Variants in FER observed in about 807,000 individuals in gnomAD.
FER encodes the protein tyrosine-protein kinase Fer.
A neutral mutation model predicts 111.0 loss-of-function variants in FER; 63 were observed. The observed-to-expected ratio is 0.57, with a 90% CI of 0.46 to 0.70. The LOEUF (loss-of-function observed/expected upper bound fraction) is 0.70, where lower values mean the gene tolerates loss of function less well. Ranked by LOEUF, FER falls within the 30% of genes least tolerant of loss-of-function variation. FER has a pLI of 0.00. For missense variants in FER, 914 were observed against 954.0 expected (o/e 0.96, Z 0.55); for synonymous variants, 327 against 313.9 (o/e 1.04, Z -0.44).
intron 5 of FER, among the ~76,000 whole-genome samples, chr5:108,857,886 C>T (rs1763150211): frequency 6.6e-6 from 1 of 152,156 alleles, no homozygotes; most frequent in Non-Finnish European, 1.5e-5. Context: ...TTGACACATT[C>T]CTATCATTCA....
chr5:108,985,658 G>A (rs868523432), intron 13 of FER, among the ~76,000 whole-genome samples: 1 of 152,060 alleles, frequency 6.6e-6, no homozygotes, highest in Non-Finnish European at 1.5e-5. Flanking sequence ...TCATAGCTTA[G>A]CTCCCACTCA....
intron 16 of FER, among the ~76,000 whole-genome samples, chr5:109,068,816 T>C (rs918856108): frequency 3.9e-5 from 6 of 152,346 alleles, no homozygotes; most frequent in Admixed American, 2.6e-4. Flanking sequence ...TATTACCTGC[T>C]GGTAAATTAA....
At chr5:108,983,938 C>A (rs982148910) in intron 13 of FER, among the ~76,000 whole-genome samples, 1 of 151,952 alleles carries the variant, frequency 6.6e-6, no homozygotes, top group Non-Finnish European at 1.5e-5. Context: ...CTCTTTCTCT[C>A]TGCTTTCTTG....
At chr5:108,997,103 G>A (rs560822491) in intron 13 of FER, among the ~76,000 whole-genome samples, 1 of 152,004 alleles carries the variant, frequency 6.6e-6, no homozygotes, top group Non-Finnish European at 1.5e-5. Flanking sequence ...TTTGCACATT[G>A]ATTTTGTATC....
At chr5:108,796,676 T>C (rs1203518527) in intron 2 of FER, among the ~76,000 whole-genome samples, 2 of 152,086 alleles carry the variant, frequency 1.3e-5, no homozygotes, top group African/African-American at 4.8e-5. Flanking sequence ...CAGGAAGTAC[T>C]GCCAGGCTAC....
chr5:109,160,448 G>C (rs1755870491), intron 17 of FER, among the ~76,000 whole-genome samples: 1 of 152,146 alleles, frequency 6.6e-6, no homozygotes, highest in Non-Finnish European at 1.5e-5. Flanking sequence ...GGTGTTGTCA[G>C]TGTTTCATAA....
intron 13 of FER, among the ~76,000 whole-genome samples, chr5:109,016,322 C>G (rs1344598440): frequency 2.0e-5 from 3 of 151,966 alleles, no homozygotes; most frequent in Non-Finnish European, 2.9e-5. Context: ...TGACAGAATA[C>G]TGGAGGATTA....
At chr5:108,948,028 A>C (rs900176385) in intron 11 of FER, among the ~76,000 whole-genome samples, 28 of 152,232 alleles carry the variant, frequency 1.8e-4, no homozygotes, top group African/African-American at 5.1e-4. Context: ...TATTTAACTT[A>C]AAATCTTTAA....
chr5:109,144,499 T>C (rs1194990868), intron 17 of FER, among the ~76,000 whole-genome samples: 1 of 152,190 alleles, frequency 6.6e-6, no homozygotes, highest in Non-Finnish European at 1.5e-5. Flanking sequence ...AGATGGCCTT[T>C]TCCAATTATC....
At chr5:108,760,753 C>G (rs1020409966) in intron 1 of FER, among the ~76,000 whole-genome samples, 8 of 152,128 alleles carry the variant, frequency 5.3e-5, no homozygotes, top group African/African-American at 1.9e-4. Context: ...AATTTTGTGG[C>G]TGGTTTGATC....
chr5:109,111,620 G>A (rs2126408714), intron 17 of FER, among the ~76,000 whole-genome samples: 1 of 152,288 alleles, frequency 6.6e-6, no homozygotes, highest in East Asian at 1.9e-4. Context: ...AGGTTTAACT[G>A]ACTCACAGTT....
chr5:109,022,687 A>G (rs778860768), intron 13 of FER, among the ~76,000 whole-genome samples: 1 of 152,086 alleles, frequency 6.6e-6, no homozygotes, highest in East Asian at 1.9e-4. Flanking sequence ...CTCTGAGGAG[A>G]CACGATTCAA....
chr5:108,999,803 G>C (rs1764485649), intron 13 of FER, among the ~76,000 whole-genome samples: 1 of 148,762 alleles, frequency 6.7e-6, no homozygotes, highest in Non-Finnish European at 1.5e-5. Context: ...ATCTTTTCCT[G>C]TGTGTATTAG....
chr5:108,752,779 CA>C (rs1412384077), intron 1 of FER, among the ~76,000 whole-genome samples: 1 of 151,928 alleles, frequency 6.6e-6, no homozygotes, highest in Admixed American at 6.6e-5. Flanking sequence ...TAATGTCATG[CA>C]TGTTTGGAAT....
intron 5 of FER, among the ~76,000 whole-genome samples, chr5:108,836,598 T>C (rs1480137468): frequency 1.3e-5 from 2 of 152,198 alleles, no homozygotes; most frequent in African/African-American, 4.8e-5. Context: ...TTATTTTGGT[T>C]CTTAAATTCA....
intron 10 of FER, among the ~76,000 whole-genome samples, chr5:108,920,520 T>TAA (rs1752886469): frequency 2.0e-5 from 3 of 151,882 alleles, no homozygotes; most frequent in Non-Finnish European, 2.9e-5. Flanking sequence ...ACAGTCTTCT[T>TAA]AGGGTATTTT....
In FER at chr5:108,906,081, CT is replaced by C. The variant is rs1041191154; in HGVS notation, c.1236+8238del. ...GCAGGGTATAAGCCAAGTTATGGGA[CT>C]TTTTCTGTCCCCATTTCCCAGTGTG... On this transcript the variant is annotated intron_variant, in intron 10 of 19. Coordinates refer to ENST00000281092, the MANE Select transcript of FER (RefSeq NM_005246.4). 3.3e-5 allele frequency among the ~76,000 whole-genome samples: 5 copies of C among 152,228 alleles called. 1 individual carries two copies. Among genetic ancestry groups the C allele is most frequent in the Admixed American group, 2.6e-4 (4 of 15,290 alleles).
chr5:108,906,133 C>T (rs895264505), intron 10 of FER, among the ~76,000 whole-genome samples: 1 of 152,156 alleles, frequency 6.6e-6, no homozygotes, highest in Non-Finnish European at 1.5e-5. Context: ...GTGTTACCCA[C>T]TCTTGGGTTT....
intron 3 of FER, among the ~76,000 whole-genome samples, chr5:108,802,612 G>T (rs1554067711): frequency 3.3e-5 from 5 of 150,286 alleles, no homozygotes; most frequent in South Asian, 2.1e-4. Flanking sequence ...TGGAGTATTT[G>T]TTTTTTTTTG....
Sources: gnomAD v4.1 joint callset for allele counts (sites outside exome capture counted in the v4.1 genomes callset) on GRCh38, gnomAD v4.1.1 for gene constraint, MANE v1.5 for transcripts, NCBI Gene and HGNC (gene_info 2026-07-23, HGNC 2026-07-21) for gene names.